Variants in ASPA observed in about 807,000 individuals in gnomAD.
ASPA encodes the protein ACY-2.
Under a neutral mutation model 29.6 loss-of-function variants are expected in ASPA, and 25 were observed. That is an observed-to-expected ratio of 0.85 (90% confidence interval 0.62 to 1.18). The LOEUF is 1.18. Among genes scored for constraint, ASPA ranks in the 50% most tolerant of loss-of-function variants. ASPA has a pLI of 0.00. For synonymous variants in ASPA, 131 were observed against 130.3 expected, an observed-to-expected ratio of 1.01 and a Z score of -0.04; for missense variants, 333 against 385.7, an observed-to-expected ratio of 0.86 and a Z score of 1.14.
intron 4 of ASPA, among the ~76,000 whole-genome samples, chr17:3,489,848 C>T (rs928154706): frequency 2.6e-5 from 4 of 152,126 alleles, no homozygotes; most frequent in Non-Finnish European, 2.9e-5. Context: ...TATTACCCAG[C>T]GATTCCACAT....
At chr17:3,486,313 C>G (rs2073720549) in intron 3 of ASPA, among the ~76,000 whole-genome samples, 1 of 152,200 alleles carries the variant, frequency 6.6e-6, no homozygotes, top group Non-Finnish European at 1.5e-5. Flanking sequence ...ACTTCCAAGG[C>G]TGTTCACTAT....
At position 3,488,043 on chromosome 17, in the gene ASPA, A is replaced by G. The variant is rs1276682447; in HGVS notation, c.527-1192A>G. ...ATAAAAAATGATGCAAGAGAATAAG[A>G]TAAGATTTTGTGTATTGGGAAATAA... is the stretch of plus-strand genomic sequence containing the variant. On this transcript the variant is annotated intron_variant, in intron 3 of 5. Transcript: ENST00000263080. This position sits in a 1 kb window ranked among gnomAD's most constrained non-coding sequence, Gnocchi z 6.1. 6.6e-6 allele frequency among the ~76,000 whole-genome samples: 1 copy of G among 152,206 alleles called. No individual in the cohort carries two copies. The highest frequency in any genetic ancestry group is 1.5e-5 in the Non-Finnish European group (1 of 68,038).
rs754689698 is a variant in ASPA, at chr17:3,489,198, C to G, written c.527-37C>G. ...CTTAGTTTTATAATATATTTTCATA[C>G]TTATATAAATGTGACTATCTCTCCT... On this transcript the variant is annotated intron_variant, in intron 3 of 5. Transcript: ENST00000263080. 7 of 1,207,388 alleles carry G rather than the reference C, an allele frequency of 5.8e-6. No individual in the cohort carries two copies. The South Asian group carries it at 8.8e-5, about 15-fold the overall frequency. The allele number at this position is 1,207,388 out of a possible 1,614,324, so 74.8% of individuals were successfully genotyped here. A position where few individuals can be genotyped will look rare whatever the true frequency, so the allele number is the denominator to read the frequency against.
intron 5 of ASPA, among the ~76,000 whole-genome samples, chr17:3,495,109 T>G (rs561529838): frequency 3.2e-4 from 48 of 151,226 alleles, no homozygotes; most frequent in Admixed American, 1.2e-3. Context: ...AAAAGGCTCT[T>G]GAGAGAATGT....
chr17:3,480,797 A>G (rs2073613839), intron 1 of ASPA, among the ~76,000 whole-genome samples: 2 of 152,240 alleles, frequency 1.3e-5, no homozygotes, highest in South Asian at 4.1e-4. Flanking sequence ...AAGTTAGTTC[A>G]GTTTACACCC....
At chr17:3,475,990 G>C, upstream of ASPA, 1 of 642,622 alleles carries the variant, frequency 1.6e-6, no homozygotes, top group Non-Finnish European at 2.7e-6. Flanking sequence ...GTCCATAAAC[G>C]GGGCTCAGAA....
At chr17:3,481,492 T>G (rs993973318) in intron 1 of ASPA, 111 bp from the exon 2 acceptor site, 24 of 999,342 alleles carry the variant, frequency 2.4e-5, no homozygotes, top group Middle Eastern at 3.2e-4. Flanking sequence ...CCACACAGAT[T>G]TTTCATATTA....
chr17:3,484,870 C>A (rs1329775677), intron 3 of ASPA, among the ~76,000 whole-genome samples: 1 of 152,194 alleles, frequency 6.6e-6, no homozygotes, highest in African/African-American at 2.4e-5. Flanking sequence ...ACATGCCATA[C>A]TTGATACACT....
chr17:3,494,121 G>C (rs1301652148), intron 4 of ASPA, among the ~76,000 whole-genome samples: 1 of 150,770 alleles, frequency 6.6e-6, no homozygotes, highest in Non-Finnish European at 1.5e-5. Context: ...CACCTCCCAG[G>C]TTCAAGAGAT....
intron 4 of ASPA, among the ~76,000 whole-genome samples, chr17:3,492,561 G>A (rs910774407): frequency 2.0e-5 from 3 of 152,120 alleles, no homozygotes; most frequent in East Asian, 1.9e-4. Context: ...TAGCTGGCTT[G>A]CCCATGTGAA....
At chr17:3,474,327 T>G (rs1267247003), upstream of ASPA, among the ~76,000 whole-genome samples, 6 of 152,240 alleles carry the variant, frequency 3.9e-5, no homozygotes, top group Admixed American at 2.6e-4. Flanking sequence ...TGCAAGTCAT[T>G]TGTGCCAGCT....
chr17:3,500,011 C>T lies in ASPA; in HGVS notation c.*923C>T, dbSNP rs541482895. 1 of 152,158 alleles carries T rather than the reference C, an allele frequency of 6.6e-6. No homozygotes were observed. Among genetic ancestry groups the T allele is most frequent in the Non-Finnish European group, 1.5e-5 (1 of 68,038 alleles). 9.4% of individuals were successfully genotyped at this position (152,158 alleles called of 1,614,324 possible). A position where few individuals can be genotyped will look rare whatever the true frequency, so the allele number is the denominator to read the frequency against. ...CACAAATGATAAGAAAGCAAAACAA[C>T]CTTATTGCTGATATGGAGACAGTTT... On this transcript the variant is annotated 3_prime_UTR_variant, in exon 6 of 6. Coordinates refer to ENST00000263080, the MANE Select transcript of ASPA (RefSeq NM_000049.4).
chr17:3,492,651 C>A (rs771401077), intron 4 of ASPA, among the ~76,000 whole-genome samples: 2 of 152,166 alleles, frequency 1.3e-5, no homozygotes, highest in African/African-American at 2.4e-5. Context: ...AAACCCTGTA[C>A]GTGTACCATT....
At chr17:3,482,908 T>G (rs2073656856) in intron 2 of ASPA, among the ~76,000 whole-genome samples, 1 of 151,030 alleles carries the variant, frequency 6.6e-6, no homozygotes, top group Non-Finnish European at 1.5e-5. Context: ...TCATTTAGCA[T>G]TAGGTATATC....
At chr17:3,498,827 T>G in intron 5 of ASPA, 64 bp from the exon 6 acceptor site, 1 of 1,368,858 alleles carries the variant, frequency 7.3e-7, no homozygotes, top group Non-Finnish European at 9.7e-7. Context: ...GTCTAGAGTC[T>G]GACATAAATT....
chr17:3,498,798 A>G (rs954697326), intron 5 of ASPA, 93 bp from the exon 6 acceptor site: 33 of 1,211,372 alleles, frequency 2.7e-5, no homozygotes, highest in Non-Finnish European at 3.7e-5. Flanking sequence ...AAACAACAGA[A>G]TACTGTAATT....
At chr17:3,486,154 G>A (rs1434075694) in intron 3 of ASPA, among the ~76,000 whole-genome samples, 8 of 152,040 alleles carry the variant, frequency 5.3e-5, no homozygotes, top group South Asian at 2.1e-4. Context: ...GGCTGGTTTC[G>A]AACTTCTGAC....
chr17:3,483,542 A>G lies in ASPA; in HGVS notation c.476A>G (p.His159Arg). 1 of 1,614,142 alleles carries G rather than the reference A, an allele frequency of 6.2e-7. No homozygotes were observed. Among genetic ancestry groups the G allele is most frequent in the Non-Finnish European group, 8.5e-7 (1 of 1,180,000 alleles). Residue 159 changes from histidine to arginine, a missense_variant, in exon 3 of 6, where the codon CAT becomes CGT. Physicochemically the swap from His to Arg is conservative, Grantham distance 29 (BLOSUM62 0). Coordinates refer to ENST00000263080, the MANE Select transcript of ASPA (RefSeq NM_000049.4). ...PLPCYVYLIE[H>R]PSLKYATTRS... The stretch of plus-strand genomic sequence containing the variant: ...CCCTGCTACGTTTATCTGATTGAGC[A>G]TCCTTCCCTCAAATATGCGACCACT...
rs1237477660 is a variant in ASPA, at chr17:3,498,921, G to T, written c.775G>T (p.Asp259Tyr). 3.1e-6 allele frequency: 5 copies of T among 1,607,368 alleles called. No homozygotes were observed. In the African/African-American group the frequency reaches 4.0e-5, roughly 13 times the overall value. Residue 259 changes from aspartate to tyrosine, a missense_variant, in exon 6 of 6, where the codon GAT becomes TAT. Physicochemically the swap from Asp to Tyr is radical, Grantham distance 160. Coordinates refer to ENST00000263080, the MANE Select transcript of ASPA (RefSeq NM_000049.4). ...DQDWKPLHPG[D>Y]PMFLTLDGKT... ...AGACTGGAAACCACTGCATCCTGGG[G>T]ATCCCATGTTTTTAACTCTTGATGG...
Sources: gnomAD v4.1 joint callset for allele counts (sites outside exome capture counted in the v4.1 genomes callset) on GRCh38, gnomAD v4.1.1 for gene constraint, Gnocchi (gnomAD v3.1) non-coding constraint, MANE v1.5 for transcripts, NCBI Gene and HGNC (gene_info 2026-07-23, HGNC 2026-07-21) for gene names.